ADK: variants seen among roughly 807,000 people sequenced by gnomAD.
ADK encodes adenosine kinase.
In ADK, 24 loss-of-function variants were observed where a neutral mutation model predicts 44.7. The ratio of observed to expected loss-of-function variants is 0.54; its 90% confidence interval spans 0.39 to 0.76. The LOEUF (loss-of-function observed/expected upper bound fraction) is 0.76. Ranked by LOEUF, ADK falls within the 30% of genes least tolerant of loss-of-function variation. ADK has a pLI of 0.00. For missense variants in ADK, 321 were observed against 425.1 expected, an observed-to-expected ratio of 0.76 and a Z score of 2.15; for synonymous variants, 128 against 142.6, an observed-to-expected ratio of 0.90 and a Z score of 0.73.
chr10:74,609,396 C>A (rs1852459488), intron 9 of ADK, among the ~76,000 whole-genome samples: 1 of 152,142 alleles, frequency 6.6e-6, no homozygotes, highest in African/African-American at 2.4e-5. Context: ...TCCTGGTCTG[C>A]GAGTTGTGAA....
chr10:74,470,979 G>T (rs1381456745), intron 6 of ADK, among the ~76,000 whole-genome samples: 1 of 151,640 alleles, frequency 6.6e-6, no homozygotes. Flanking sequence ...TAAGGTAAGG[G>T]TCTAACTTTA....
chr10:74,698,601 T>A (rs10762639), intron 10 of ADK, among the ~76,000 whole-genome samples: 5 of 152,048 alleles, frequency 3.3e-5, no homozygotes, highest in Non-Finnish European at 5.9e-5. Flanking sequence ...TCTCCCATTC[T>A]GGAGTGCAGT....
chr10:74,205,120 A>G (rs1163037264), intron 2 of ADK, among the ~76,000 whole-genome samples: 1 of 151,824 alleles, frequency 6.6e-6, no homozygotes, highest in Middle Eastern at 3.2e-3. Context: ...TTTCAATGGA[A>G]TCCATTGACT....
chr10:74,666,588 A>G (rs1854963229), intron 9 of ADK, among the ~76,000 whole-genome samples: 1 of 152,142 alleles, frequency 6.6e-6, no homozygotes, highest in Non-Finnish European at 1.5e-5. Context: ...ATTTTTCTAC[A>G]ATTAGTGCAG....
At chr10:74,625,629 G>C (rs1853166668) in intron 9 of ADK, among the ~76,000 whole-genome samples, 1 of 152,036 alleles carries the variant, frequency 6.6e-6, no homozygotes. Context: ...AAGAATAAAA[G>C]CTGCAATAAT....
intron 10 of ADK, among the ~76,000 whole-genome samples, chr10:74,679,694 G>T (rs1407562544): frequency 6.6e-6 from 1 of 152,078 alleles, no homozygotes; most frequent in African/African-American, 2.4e-5. Context: ...AGGCGCAGGG[G>T]CTCACACCTG....
chr10:74,607,811 T>TG (rs1229086959), intron 9 of ADK, among the ~76,000 whole-genome samples: 2 of 152,126 alleles, frequency 1.3e-5, no homozygotes, highest in African/African-American at 2.4e-5. Context: ...TCTTGGATAA[T>TG]ATTCTGAAGA....
At chr10:74,429,590 A>G (rs1278800937) in intron 6 of ADK, among the ~76,000 whole-genome samples, 1 of 152,168 alleles carries the variant, frequency 6.6e-6, no homozygotes, top group Non-Finnish European at 1.5e-5. Flanking sequence ...TAGGTATAAT[A>G]TTAATAGACT....
At chr10:74,461,995 A>G (rs1329124349) in intron 6 of ADK, among the ~76,000 whole-genome samples, 1 of 152,048 alleles carries the variant, frequency 6.6e-6, no homozygotes, top group Non-Finnish European at 1.5e-5. Flanking sequence ...CTTTGAATCT[A>G]TGTTGGTTGT....
chr10:74,486,183 T>C (rs1221416495), intron 6 of ADK, among the ~76,000 whole-genome samples: 1 of 152,116 alleles, frequency 6.6e-6, no homozygotes, highest in Non-Finnish European at 1.5e-5. Context: ...TGAGATCTGA[T>C]GATATTATAA....
rs373270822 is a variant in ADK, at chr10:74,481,989, A to T, written c.556-43267A>T. ...CCTTGGAGACATCTAGGGAAGATTC[A>T]TCGTAGTTTTTAGTCACTTTCAGCT... On this transcript the variant is annotated intron_variant, in intron 6 of 10. Transcript: ENST00000539909. Among the ~76,000 whole-genome samples, 14 of 152,240 alleles carry T rather than the reference A, an allele frequency of 9.2e-5. No homozygotes were observed. The East Asian group carries it at 1.9e-3, about 21-fold the overall frequency.
At chr10:74,692,811 G>A (rs1220605518) in intron 10 of ADK, among the ~76,000 whole-genome samples, 2 of 152,156 alleles carry the variant, frequency 1.3e-5, no homozygotes, top group Non-Finnish European at 2.9e-5. Flanking sequence ...GGAACAATAG[G>A]CTATACCATC....
At chr10:74,399,267 C>T (rs1053983863) in intron 6 of ADK, among the ~76,000 whole-genome samples, 3 of 150,240 alleles carry the variant, frequency 2.0e-5, no homozygotes, top group Admixed American at 6.7e-5. Context: ...AAAAGCATCT[C>T]GTATGCATGT....
chr10:74,335,739 G>A (rs965085812), intron 4 of ADK, among the ~76,000 whole-genome samples: 1 of 152,150 alleles, frequency 6.6e-6, no homozygotes, highest in African/African-American at 2.4e-5. Context: ...TTGTAAGGGG[G>A]AGAGGAGCAT....
At chr10:74,211,299 A>G (rs533809682) in intron 2 of ADK, among the ~76,000 whole-genome samples, 1 of 152,284 alleles carries the variant, frequency 6.6e-6, no homozygotes, top group Admixed American at 6.5e-5. Flanking sequence ...GATTTTGTTT[A>G]GTATTTATGG....
chr10:74,269,057 C>T (rs1334402889), intron 3 of ADK, among the ~76,000 whole-genome samples: 1 of 152,096 alleles, frequency 6.6e-6, no homozygotes. Flanking sequence ...TTGTTGTACA[C>T]AATATTCAAA....
intron 6 of ADK, among the ~76,000 whole-genome samples, chr10:74,523,988 G>A (rs1246455649): frequency 1.3e-5 from 2 of 151,942 alleles, no homozygotes; most frequent in African/African-American, 4.8e-5. Flanking sequence ...CTTGCACATT[G>A]CCCACCAAAT....
At position 74,546,142 on chromosome 10, in the gene ADK, C is replaced by T. The variant is rs149750145; in HGVS notation, c.726+20716C>T. Among the ~76,000 whole-genome samples, 61 of 152,184 alleles carry T rather than the reference C, an allele frequency of 4.0e-4. No homozygotes were observed. The East Asian group carries it at 0.011, about 27-fold the overall frequency. ...TGTTATGTGGAACCTAGAAATATAC[C>T]ATGAGGAATACTGAAAAATAAACTA... On this transcript the variant is annotated intron_variant, in intron 7 of 10. Coordinates refer to ENST00000539909, the MANE Select transcript of ADK (RefSeq NM_006721.4).
chr10:74,431,934 T>C (rs974219624), intron 6 of ADK, among the ~76,000 whole-genome samples: 5 of 152,176 alleles, frequency 3.3e-5, no homozygotes, highest in Non-Finnish European at 7.4e-5. Context: ...GGCTCATGCT[T>C]ATAATTCCAG....
Sources: allele counts gnomAD v4.1 joint callset (sites outside exome capture counted in the v4.1 genomes callset), GRCh38; gene constraint gnomAD v4.1.1; transcripts MANE v1.5; gene names NCBI Gene and HGNC (gene_info 2026-07-23, HGNC 2026-07-21).